LRP8: variants seen among roughly 807,000 people sequenced by gnomAD.
The protein encoded by LRP8 is LDL receptor related protein 8, also known as low-density lipoprotein receptor-related protein 8.
Under a neutral mutation model 111.6 loss-of-function variants are expected in LRP8, and 46 were observed. The ratio of observed to expected loss-of-function variants is 0.41; its 90% CI spans 0.33 to 0.53. The LOEUF (loss-of-function observed/expected upper bound fraction) is 0.53, where lower values mean the gene tolerates loss of function less well. Ranked by LOEUF, LRP8 falls within the 20% of genes least tolerant of loss-of-function variation. LRP8 has a pLI of 0.20. For missense variants in LRP8, 959 were observed against 1,297.4 expected (o/e 0.74, Z 4.01); for synonymous variants, 464 against 511.2 (o/e 0.91, Z 1.24).
rs1271099697 is a variant in LRP8 at position 53,257,125 on chromosome 1, C to T, written c.2434+115G>A. The T allele has an allele frequency of 7.5e-6, 7 of 934,052 alleles. No homozygotes were observed. In the African/African-American group the frequency reaches 9.8e-5, roughly 13 times the overall value. The allele number at this position is 934,052 out of a possible 1,614,324, so 57.9% of individuals were successfully genotyped here. A position where few individuals can be genotyped will look rare whatever the true frequency, so the allele number is the denominator to read the frequency against. ...CTCCCTCTCAGATATGCAGTAACCTCCTCAAAGATATGCAGTATTCAGCTC... is the reference window on the plus strand; with the variant it reads ...CTCCCTCTCAGATATGCAGTAACCTTCTCAAAGATATGCAGTATTCAGCTC... On this transcript the variant is annotated intron_variant, in intron 15 of 18. Coordinates refer to ENST00000306052, the MANE Select transcript of LRP8 (RefSeq NM_004631.5).
rs962697168 is a variant in LRP8 at position 53,279,050 on chromosome 1, C to T, written c.496+1537G>A. On this transcript the variant is annotated intron_variant, in intron 4 of 18. Transcript: ENST00000306052. The surrounding 1 kb of genome is among the most constrained non-coding windows in gnomAD (Gnocchi z 4.4). ...CTGGGATTACAGGCATGAGCCACCG[C>T]GCCCCGCCTTAATTTTTAATTTTAC... is the stretch of plus-strand genomic sequence containing the variant. 3.3e-5 allele frequency among the ~76,000 whole-genome samples: 5 copies of T among 151,952 alleles called. No homozygotes were observed. Among genetic ancestry groups the T allele is most frequent in the South Asian group, 2.1e-4 (1 of 4,814 alleles).
intron 2 of LRP8, among the ~76,000 whole-genome samples, chr1:53,326,365 C>T (rs1197962385): frequency 6.6e-6 from 1 of 152,224 alleles, no homozygotes; most frequent in African/African-American, 2.4e-5. Flanking sequence ...TTGGCCGCTC[C>T]GGCCACGGGG....
At chr1:53,274,139 G>A (rs572506077) in intron 6 of LRP8, among the ~76,000 whole-genome samples, 1 of 152,232 alleles carries the variant, frequency 6.6e-6, no homozygotes, top group Admixed American at 6.5e-5. Flanking sequence ...TCCAGGTCTC[G>A]CTTTAGTCTG....
At chr1:53,280,207 T>G (rs904313931) in intron 4 of LRP8, among the ~76,000 whole-genome samples, 3 of 152,118 alleles carry the variant, frequency 2.0e-5, no homozygotes, top group Non-Finnish European at 2.9e-5. Context: ...CCCCTGCCCT[T>G]GCTCCAAGAT....
chr1:53,316,412 G>A (rs1350270325), intron 2 of LRP8, among the ~76,000 whole-genome samples: 1 of 152,224 alleles, frequency 6.6e-6, no homozygotes, highest in Non-Finnish European at 1.5e-5. Context: ...CCCCGTCAGA[G>A]CTCAGCACAA....
chr1:53,286,625 A>G (rs917806024), intron 3 of LRP8, among the ~76,000 whole-genome samples: 1 of 152,210 alleles, frequency 6.6e-6, no homozygotes, highest in Non-Finnish European at 1.5e-5. Context: ...ACTCCTGGCT[A>G]CATTTGATAG....
intron 16 of LRP8, among the ~76,000 whole-genome samples, chr1:53,254,837 G>C (rs1249837868): frequency 6.6e-6 from 1 of 152,164 alleles, no homozygotes; most frequent in Admixed American, 6.5e-5. Context: ...CCTGTTCCTA[G>C]GGATCATACA....
intron 2 of LRP8, among the ~76,000 whole-genome samples, chr1:53,324,782 C>T (rs1300759657): frequency 6.6e-6 from 1 of 152,172 alleles, no homozygotes; most frequent in African/African-American, 2.4e-5. Context: ...CCAGGCCTAA[C>T]ATTTAAAGCC....
chr1:53,292,383 T>A (rs1163972892), intron 2 of LRP8, among the ~76,000 whole-genome samples: 1 of 152,222 alleles, frequency 6.6e-6, no homozygotes, highest in African/African-American at 2.4e-5. Context: ...AAATACAGCA[T>A]GGCAGGGATA....
intron 12 of LRP8, among the ~76,000 whole-genome samples, chr1:53,261,418 CA>C (rs1211946283): frequency 6.6e-6 from 1 of 152,220 alleles, no homozygotes; most frequent in Non-Finnish European, 1.5e-5. Context: ...CAAATCCTGC[CA>C]ATGCCCACCA....
At chr1:53,298,973 C>T (rs1650280836) in intron 2 of LRP8, among the ~76,000 whole-genome samples, 1 of 152,284 alleles carries the variant, frequency 6.6e-6, no homozygotes, top group South Asian at 2.1e-4. Flanking sequence ...GCAGGCCTCT[C>T]TGGGCTCTCG....
Position 53,249,957 on chromosome 1 carries a change from TAGTG to T in LRP8, c.2677-405_2677-402del, listed in dbSNP as rs1298490860. Among the ~76,000 whole-genome samples the T allele has an allele frequency of 6.6e-6, 1 of 152,180 alleles. No homozygotes were observed. Among genetic ancestry groups the T allele is most frequent in the Non-Finnish European group, 1.5e-5 (1 of 68,030 alleles). On this transcript the variant is annotated intron_variant, in intron 17 of 18. Transcript: ENST00000306052. The surrounding 1 kb of genome is among the most constrained non-coding windows in gnomAD (Gnocchi z 4.1). ...TTCTGCCCTCAAGGATCTTATGGGT[TAGTG>T]AGGAGACCACTGAGTAAAAGACAAG...
intron 2 of LRP8, among the ~76,000 whole-genome samples, chr1:53,319,511 G>T (rs1193485997): frequency 2.0e-5 from 3 of 152,224 alleles, no homozygotes; most frequent in Non-Finnish European, 2.9e-5. Context: ...GCGCCTGAGA[G>T]CATGCCGCAT....
chr1:53,306,482 G>T lies in LRP8; in HGVS notation c.245-16793C>A, dbSNP rs961583029. Among the ~76,000 whole-genome samples, 8 of 152,322 alleles carry T rather than the reference G, an allele frequency of 5.3e-5. No homozygotes were observed. The South Asian group carries it at 1.7e-3, about 32-fold the overall frequency. ...GGAGAACAGAGCCAGGGGCCAGGAG[G>T]CCTGGGTTTTGGTCCCAGCTCTACC... is the stretch of plus-strand genomic sequence containing the variant. On this transcript the variant is annotated intron_variant, in intron 2 of 18. Transcript: ENST00000306052.
At chr1:53,327,158 G>T (rs1655249120) in intron 1 of LRP8, 166 bp from the exon 2 acceptor site, 1 of 938,296 alleles carries the variant, frequency 1.1e-6, no homozygotes, top group Non-Finnish European at 1.5e-6. Context: ...ACGATGGCAG[G>T]GGTTCCGTGG....
At position 53,277,057 on chromosome 1, in the gene LRP8, T is replaced by C; in HGVS notation, c.518A>G (p.Gln173Arg). 1 of 1,523,026 alleles carries C rather than the reference T, an allele frequency of 6.6e-7. No homozygotes were observed. The highest frequency in any genetic ancestry group is 8.8e-7 in the Non-Finnish European group (1 of 1,140,622). 94.3% of individuals were successfully genotyped at this position (1,523,026 alleles called of 1,614,324 possible). ...GGCCAGGCACGAGCGGTTGCCGCAC[T>C]GGAACTCGTGCGGGGCGCACACTGC... ...CATLCAPHEF[Q>R]CGNRSCLAAV... is the part of the protein sequence containing the mutation. The change falls in exon 5 of 19, where the codon CAG becomes CGG. Residue 173 changes from glutamine (Q) to arginine (R), a missense_variant. Coordinates refer to ENST00000306052, the MANE Select transcript of LRP8 (RefSeq NM_004631.5).
At chr1:53,292,745 CAT>C (rs1348084987) in intron 2 of LRP8, among the ~76,000 whole-genome samples, 1 of 152,208 alleles carries the variant, frequency 6.6e-6, no homozygotes, top group East Asian at 1.9e-4. Flanking sequence ...ACTCATTTGA[CAT>C]ATGAGGAAAT....
chr1:53,284,509 C>T (rs1647277177), intron 3 of LRP8, among the ~76,000 whole-genome samples: 1 of 152,154 alleles, frequency 6.6e-6, no homozygotes, highest in Non-Finnish European at 1.5e-5. Flanking sequence ...TCCCCAAACT[C>T]TCCTCACAAA....
chr1:53,301,148 G>C (rs1650768217), intron 2 of LRP8, among the ~76,000 whole-genome samples: 2 of 152,196 alleles, frequency 1.3e-5, no homozygotes, highest in East Asian at 1.9e-4. Context: ...TCAATGGAGA[G>C]AGTGGAAGGG....
Sources: gnomAD v4.1 joint callset for allele counts (sites outside exome capture counted in the v4.1 genomes callset) on GRCh38, gnomAD v4.1.1 for gene constraint, Gnocchi (gnomAD v3.1) non-coding constraint, MANE v1.5 for transcripts, NCBI Gene and HGNC (gene_info 2026-07-23, HGNC 2026-07-21) for gene names.